The following CCDC141 variants were observed in gnomAD, a reference collection of about 807,000 sequenced individuals.
CCDC141 encodes the protein coiled-coil domain-containing protein 141.
CCDC141 carries 168 observed loss-of-function variants against 181.0 expected under a neutral mutation model. The ratio of observed to expected loss-of-function variants is 0.93; its 90% CI spans 0.82 to 1.05. CCDC141 has a LOEUF of 1.05. Ranked by LOEUF, CCDC141 falls within the 50% of genes least tolerant of loss-of-function variation. The probability of loss-of-function intolerance (pLI) is 0.00; values close to 1 mark genes in which losing one functional copy is unlikely to be tolerated. For missense variants in CCDC141, 1,902 were observed against 1,788.5 expected (o/e 1.06, Z -1.14); for synonymous variants, 666 against 642.3 (o/e 1.04, Z -0.56).
intron 2 of CCDC141, among the ~76,000 whole-genome samples, chr2:179,010,067 A>T (rs1307254124): frequency 2.6e-5 from 4 of 152,174 alleles, no homozygotes; most frequent in Non-Finnish European, 4.4e-5. Context: ...CTCAAAGACA[A>T]GGTTTTTAAA....
chr2:179,029,356 T>TTG (rs1475568243), intron 2 of CCDC141, among the ~76,000 whole-genome samples: 1 of 152,222 alleles, frequency 6.6e-6, no homozygotes, highest in Non-Finnish European at 1.5e-5. Context: ...ATTGTGGGAC[T>TTG]TGGGCATAGC....
chr2:178,966,587 C>T (rs1400794402), intron 4 of CCDC141, among the ~76,000 whole-genome samples: 2 of 152,090 alleles, frequency 1.3e-5, no homozygotes, highest in Non-Finnish European at 2.9e-5. Flanking sequence ...TCAGAAACCT[C>T]ATTTGAAGGT....
intron 2 of CCDC141, among the ~76,000 whole-genome samples, chr2:179,043,707 G>T (rs972694643): frequency 6.6e-6 from 1 of 152,234 alleles, no homozygotes; most frequent in South Asian, 2.1e-4. Flanking sequence ...TGACAAACCC[G>T]CATCCAGTAT....
Position 178,885,051 on chromosome 2 carries a change from C to T in CCDC141, c.1569G>A (p.Met523Ile). ...HELEAAAKTM[M>I]EKNEFVSDEM... ...CATCAGATACAAATTCATTTTTCTC[C>T]ATCATGGTTTTTGCAGCTGCTTCTA... is the stretch of plus-strand genomic sequence containing the variant. The change falls in exon 11 of 24, where the codon ATG becomes ATA. Residue 523 changes from methionine to isoleucine, a missense_variant. Transcript: ENST00000443758. The T allele has an allele frequency of 6.5e-7, 1 of 1,550,194 alleles. No individual in the cohort carries two copies. The highest frequency in any genetic ancestry group is 1.4e-5 in the African/African-American group (1 of 73,136).
intron 22 of CCDC141, among the ~76,000 whole-genome samples, chr2:178,841,504 G>A (rs147107029): frequency 1.8e-3 from 270 of 151,990 alleles, no homozygotes; most frequent in Non-Finnish European, 3.0e-3. Flanking sequence ...ATGCAAAATC[G>A]AATGCATTAA....
chr2:179,020,918 C>G (rs565504098), intron 2 of CCDC141, among the ~76,000 whole-genome samples: 1 of 152,016 alleles, frequency 6.6e-6, no homozygotes, highest in South Asian at 2.1e-4. Flanking sequence ...TAAGCAAATA[C>G]GTGGTATGAT....
At chr2:178,910,172 C>T (rs1558973945) in intron 7 of CCDC141, among the ~76,000 whole-genome samples, 1 of 152,174 alleles carries the variant, frequency 6.6e-6, no homozygotes. Flanking sequence ...AGTATCAGGA[C>T]ATGGCACATT....
At chr2:179,040,700 C>T (rs1301107740) in intron 2 of CCDC141, among the ~76,000 whole-genome samples, 1 of 152,178 alleles carries the variant, frequency 6.6e-6, no homozygotes, top group East Asian at 1.9e-4. Context: ...TATGTCCCCG[C>T]AAAGGACATG....
At chr2:179,041,031 T>C (rs879424886) in intron 2 of CCDC141, among the ~76,000 whole-genome samples, 1 of 152,144 alleles carries the variant, frequency 6.6e-6, no homozygotes, top group Admixed American at 6.6e-5. Flanking sequence ...ATTCCTTTTC[T>C]CCAAATCCTC....
chr2:178,837,690 G>A lies in CCDC141; in HGVS notation c.3529C>T (p.Leu1177=), dbSNP rs373773937. The A allele has an allele frequency of 1.9e-6, 3 of 1,613,880 alleles. No homozygotes were observed. Among genetic ancestry groups the A allele is most frequent in the Non-Finnish European group, 2.5e-6 (3 of 1,179,918 alleles). ...LGINGTGEER[L]PQDLKVSTDK... ...GTGGACACCTTCAGGTCTTGTGGTA[G>A]TCGCTCTTCCCCTGTTCCATTGATG... is the stretch of plus-strand genomic sequence containing the variant. The change falls in exon 23 of 24, where the codon CTA becomes TTA. Residue 1177 remains leucine (L), a synonymous_variant. Coordinates refer to ENST00000443758, the MANE Select transcript of CCDC141 (RefSeq NM_173648.4).
rs140986930 is a variant in CCDC141 at position 179,041,947 on chromosome 2, C to G, written c.225+5337G>C. Among the ~76,000 whole-genome samples the G allele has an allele frequency of 1.3e-4, 20 of 152,248 alleles. No homozygotes were observed. In the East Asian group the frequency reaches 3.9e-3, roughly 29 times the overall value. On this transcript the variant is annotated intron_variant, in intron 2 of 23. Transcript: ENST00000443758. ...TAGAGACCTTCAAAGAGACTTAGAT[C>G]CCCCACACAATAGTCGTGGGAGACT...
At chr2:178,940,205 T>C (rs990549689) in intron 6 of CCDC141, among the ~76,000 whole-genome samples, 7 of 150,614 alleles carry the variant, frequency 4.6e-5, no homozygotes, top group African/African-American at 1.7e-4. Flanking sequence ...CTCTATAAGA[T>C]CAGAGATTAG....
intron 22 of CCDC141, among the ~76,000 whole-genome samples, chr2:178,839,113 G>C (rs1684612094): frequency 6.6e-6 from 1 of 152,140 alleles, no homozygotes; most frequent in South Asian, 2.1e-4. Context: ...CATTTTGTAA[G>C]TGATTTTTAA....
chr2:178,985,932 A>G (rs1434588609), intron 2 of CCDC141, among the ~76,000 whole-genome samples: 5 of 152,186 alleles, frequency 3.3e-5, no homozygotes, highest in African/African-American at 9.7e-5. Flanking sequence ...ATTCCAATCA[A>G]TAGAAAAAGA....
chr2:179,041,134 C>A (rs57240597), intron 2 of CCDC141, among the ~76,000 whole-genome samples: 1 of 151,996 alleles, frequency 6.6e-6, no homozygotes, highest in Admixed American at 6.6e-5. Context: ...TGCAGTGGTG[C>A]GATCTCGGCT....
intron 2 of CCDC141, among the ~76,000 whole-genome samples, chr2:178,997,011 G>T (rs1265577946): frequency 2.0e-5 from 3 of 152,180 alleles, no homozygotes; most frequent in Admixed American, 6.5e-5. Flanking sequence ...GAATGAACTA[G>T]ACATGATTAA....
At chr2:178,949,820 A>G (rs964461320) in intron 5 of CCDC141, among the ~76,000 whole-genome samples, 4 of 152,180 alleles carry the variant, frequency 2.6e-5, no homozygotes, top group South Asian at 2.1e-4. Context: ...GGACTGAAAG[A>G]TGGGTCATGC....
the CCDC141 span, among the ~76,000 whole-genome samples, chr2:178,816,991 G>A: frequency 2.6e-5 from 4 of 152,118 alleles, no homozygotes; most frequent in African/African-American, 9.7e-5. Flanking sequence ...GGTTATATCT[G>A]CACATTAGAT....
intron 2 of CCDC141, among the ~76,000 whole-genome samples, chr2:179,045,362 A>G (rs1575387384): frequency 6.9e-6 from 1 of 145,182 alleles, no homozygotes; most frequent in African/African-American, 2.5e-5. Flanking sequence ...TTATGGCTGC[A>G]TAGTATTCCA....
Sources: gnomAD v4.1 joint callset for allele counts (sites outside exome capture counted in the v4.1 genomes callset) on GRCh38, gnomAD v4.1.1 for gene constraint, MANE v1.5 for transcripts, NCBI Gene and HGNC (gene_info 2026-07-23, HGNC 2026-07-21) for gene names.